The following NEMP2 variants were observed in gnomAD, a reference collection of about 807,000 sequenced individuals.
The protein encoded by NEMP2 is UPF0571 transmembrane protein.
NEMP2 carries 53 observed loss-of-function variants against 54.2 expected under a neutral mutation model. That is an observed-to-expected ratio of 0.98 (90% CI 0.78 to 1.23). The LOEUF (loss-of-function observed/expected upper bound fraction) is 1.23. NEMP2 is among the 50% of genes most tolerant of loss of function. NEMP2 has a pLI of 0.00. For missense variants in NEMP2, 455 were observed against 511.3 expected, an observed-to-expected ratio of 0.89 and a Z score of 1.06; for synonymous variants, 197 against 190.3, an observed-to-expected ratio of 1.04 and a Z score of -0.29.
At chr2:190,484,806 T>C in the NEMP2 span, among the ~76,000 whole-genome samples, 1 of 152,236 alleles carries the variant, frequency 6.6e-6, no homozygotes, top group African/African-American at 2.4e-5. Context: ...TTATACGATA[T>C]CTTAAAATAA....
At chr2:190,498,842 T>C in the NEMP2 span, among the ~76,000 whole-genome samples, 1 of 152,168 alleles carries the variant, frequency 6.6e-6, no homozygotes, top group Non-Finnish European at 1.5e-5. This position sits in a 1 kb window ranked among gnomAD's most constrained non-coding sequence, Gnocchi z 5.9. Flanking sequence ...TTTTCTGGTA[T>C]GTTAGGATTA....
the NEMP2 span, among the ~76,000 whole-genome samples, chr2:190,564,135 G>A: frequency 6.6e-6 from 1 of 152,186 alleles, no homozygotes; most frequent in African/African-American, 2.4e-5. This position sits in a 1 kb window ranked among gnomAD's most constrained non-coding sequence, Gnocchi z 4.2. Context: ...CACATGGTGT[G>A]AACAGAATCT....
the NEMP2 span, among the ~76,000 whole-genome samples, chr2:190,630,671 C>G: frequency 6.6e-6 from 1 of 151,976 alleles, no homozygotes; most frequent in East Asian, 1.9e-4. This position sits in a 1 kb window ranked among gnomAD's most constrained non-coding sequence, Gnocchi z 5.5. Context: ...TTCATAGAAC[C>G]CTCAGTTCTT....
chr2:190,572,832 A>AGTGT, the NEMP2 span, among the ~76,000 whole-genome samples: 6 of 14,982 alleles, frequency 4.0e-4, no homozygotes, highest in African/African-American at 1.3e-3. Context: ...TCTTTTCATG[A>AGTGT]GTATATATAT....
the NEMP2 span, among the ~76,000 whole-genome samples, chr2:190,452,678 T>G: frequency 6.6e-6 from 1 of 152,228 alleles, no homozygotes; most frequent in Admixed American, 6.5e-5. Flanking sequence ...GAATGACTAA[T>G]GCCTGGTATC....
the NEMP2 span, among the ~76,000 whole-genome samples, chr2:190,631,232 A>G: frequency 6.6e-6 from 1 of 152,334 alleles, no homozygotes; most frequent in Non-Finnish European, 1.5e-5. Flanking sequence ...ATATCCAACC[A>G]AAGGAAATAG....
the NEMP2 span, among the ~76,000 whole-genome samples, chr2:190,548,687 A>G: frequency 1.3e-5 from 2 of 152,352 alleles, no homozygotes; most frequent in Non-Finnish European, 2.9e-5. Context: ...TTTATGTTAA[A>G]CAGATTTTTG....
chr2:190,648,519 T>G, the NEMP2 span: 112 of 48,918 alleles, frequency 2.3e-3, 1 homozygote, highest in Middle Eastern at 9.6e-3. Context: ...CGCTGTTGTT[T>G]TTTTTTTTTT....
chr2:190,478,834 T>TC, the NEMP2 span, among the ~76,000 whole-genome samples: 1 of 32,814 alleles, frequency 3.0e-5, no homozygotes, highest in East Asian at 0.019. Flanking sequence ...AGGGTCTTCC[T>TC]TAAAAAAAAA....
chr2:190,517,702 A>C (rs557489070), intron 4 of NEMP2, 89 bp from the exon 5 acceptor site: 1 of 909,918 alleles, frequency 1.1e-6, no homozygotes, highest in Admixed American at 2.3e-5. Flanking sequence ...ATCAGTCATA[A>C]ATAACACTAA....
At chr2:190,622,247 A>C in the NEMP2 span, among the ~76,000 whole-genome samples, 1 of 151,976 alleles carries the variant, frequency 6.6e-6, no homozygotes, top group Admixed American at 6.6e-5. Flanking sequence ...AAGAAAATAA[A>C]AATTTAAAAA....
the NEMP2 span, among the ~76,000 whole-genome samples, chr2:190,490,379 C>G: frequency 6.6e-6 from 1 of 151,472 alleles, no homozygotes. The surrounding 1 kb of genome is among the most constrained non-coding windows in gnomAD (Gnocchi z 4.5). Context: ...TTGGCTAACA[C>G]GGTGAAACCC....
rs1690992478 is a variant in NEMP2 at position 190,527,746 on chromosome 2, C to T, written c.98-2368G>A. On this transcript the variant is annotated intron_variant, in intron 1 of 8. Coordinates refer to ENST00000409150, the MANE Select transcript of NEMP2 (RefSeq NM_001142645.2). This position sits in a 1 kb window ranked among gnomAD's most constrained non-coding sequence, Gnocchi z 4.0. ...CGGTGCGCGAGGCGAGTGATCATTA[C>T]CACCTGAGCTCCACCTCCTGTCAGA... Among the ~76,000 whole-genome samples the T allele has an allele frequency of 6.6e-6, 1 of 152,098 alleles. No homozygotes were observed. The highest frequency in any genetic ancestry group is 2.4e-5 in the African/African-American group (1 of 41,412).
the NEMP2 span, among the ~76,000 whole-genome samples, chr2:190,552,875 G>A: frequency 6.6e-6 from 1 of 152,114 alleles, no homozygotes; most frequent in African/African-American, 2.4e-5. Flanking sequence ...TCTAAGAATT[G>A]TATAGCAGTG....
At chr2:190,449,944 G>A in the NEMP2 span, among the ~76,000 whole-genome samples, 1 of 151,922 alleles carries the variant, frequency 6.6e-6, no homozygotes, top group African/African-American at 2.4e-5. Context: ...CAGCACACCA[G>A]CATGGCACAT....
At chr2:190,600,328 G>A in the NEMP2 span, among the ~76,000 whole-genome samples, 41 of 152,324 alleles carry the variant, frequency 2.7e-4, no homozygotes, top group Admixed American at 2.0e-3. The surrounding 1 kb of genome is among the most constrained non-coding windows in gnomAD (Gnocchi z 4.9). Context: ...TACAAGGGGA[G>A]GGTTATCAGT....
At chr2:190,468,432 G>T in the NEMP2 span, among the ~76,000 whole-genome samples, 1 of 151,534 alleles carries the variant, frequency 6.6e-6, no homozygotes, top group Non-Finnish European at 1.5e-5. Context: ...GGGAAAAAGG[G>T]AACAGTGTTT....
downstream of NEMP2, among the ~76,000 whole-genome samples, chr2:190,502,994 G>T (rs138445874): frequency 2.9e-4 from 44 of 152,288 alleles, no homozygotes; most frequent in African/African-American, 9.9e-4. The surrounding 1 kb of genome is among the most constrained non-coding windows in gnomAD (Gnocchi z 4.4). Context: ...ACCCCAGGAG[G>T]CAGGGAGGCC....
In NEMP2 at chr2:190,529,115, T is replaced by C. The variant is rs759532308; in HGVS notation, c.98-3737A>G. On this transcript the variant is annotated intron_variant, in intron 1 of 8. Coordinates refer to ENST00000409150, the MANE Select transcript of NEMP2 (RefSeq NM_001142645.2). The surrounding 1 kb of genome is among the most constrained non-coding windows in gnomAD (Gnocchi z 4.7). ...TTCGCTTGAACCTGGGAGGCGAGGT[T>C]GCAGTGAGCTGAGATCACACCACTG... Among the ~76,000 whole-genome samples the C allele has an allele frequency of 1.3e-5, 2 of 152,158 alleles. No individual in the cohort carries two copies. The highest frequency in any genetic ancestry group is 2.9e-5 in the Non-Finnish European group (2 of 68,022).
Sources: gnomAD v4.1 joint callset for allele counts (sites outside exome capture counted in the v4.1 genomes callset) on GRCh38, gnomAD v4.1.1 for gene constraint, Gnocchi (gnomAD v3.1) non-coding constraint, MANE v1.5 for transcripts, NCBI Gene and HGNC (gene_info 2026-07-23, HGNC 2026-07-21) for gene names.